SHISA5: variants seen among roughly 807,000 people sequenced by gnomAD.
SHISA5 encodes the protein protein shisa-5.
In SHISA5, 21 loss-of-function variants were observed where a neutral mutation model predicts 27.5. That is an observed-to-expected ratio of 0.76 (90% CI 0.54 to 1.10). SHISA5 has a LOEUF of 1.10. SHISA5 is among the 50% of genes least tolerant of loss of function. The pLI, the probability that SHISA5 is intolerant of heterozygous loss-of-function variation, is 0.00. For missense variants in SHISA5, 314 were observed against 336.3 expected (o/e 0.93, Z 0.52); for synonymous variants, 137 against 142.2 (o/e 0.96, Z 0.26).
chr3:48,496,818 C>A (rs1320894295), intron 2 of SHISA5, among the ~76,000 whole-genome samples: 15 of 149,768 alleles, frequency 1.0e-4, no homozygotes, highest in Non-Finnish European at 1.5e-5. Context: ...ATATATAAGA[C>A]TTTGAAATAG....
intron 3 of SHISA5, among the ~76,000 whole-genome samples, chr3:48,475,859 C>CCATTAAA (rs1414625205): frequency 6.6e-6 from 1 of 152,200 alleles, no homozygotes; most frequent in African/African-American, 2.4e-5. Context: ...GAGCCACTCA[C>CCATTAAA]CATTAAACAG....
At chr3:48,502,571 G>C (rs1387364168) in intron 1 of SHISA5, 1 of 348,648 alleles carries the variant, frequency 2.9e-6, no homozygotes, top group African/African-American at 2.1e-5. Flanking sequence ...AAATAACCCA[G>C]GTTTTTGGAT....
intron 2 of SHISA5, among the ~76,000 whole-genome samples, 169 bp downstream of exon 2, chr3:48,500,968 T>A (rs1364942013): frequency 6.6e-6 from 1 of 152,094 alleles, no homozygotes; most frequent in Non-Finnish European, 1.5e-5. Context: ...TGAGCAGGTC[T>A]AGGGGGTCCA....
At chr3:48,494,427 A>C (rs1004748320) in intron 2 of SHISA5, among the ~76,000 whole-genome samples, 2 of 145,394 alleles carry the variant, frequency 1.4e-5, no homozygotes, top group Non-Finnish European at 3.0e-5. Context: ...CCTCCAGAGT[A>C]GCTGGGATTA....
rs1278340955 is a variant in SHISA5, at chr3:48,504,039, A to G, written c.56T>C (p.Leu19Pro). 13 of 1,466,258 alleles carry G rather than the reference A, an allele frequency of 8.9e-6. No homozygotes were observed. The highest frequency in any genetic ancestry group is 1.2e-5 in the Non-Finnish European group (13 of 1,105,498). 90.8% of individuals were successfully genotyped at this position (1,466,258 alleles called of 1,614,324 possible). ...CTCACCACCCGGAGGCGGCGTTAGC[A>G]GCAGCAGCAACAGCAACGGCAACAG... ...RILLPLLLLL[L>P]LTPPPGARGE... The change falls in exon 1 of 6, where the codon CTG (leucine) becomes CCG (proline). Residue 19 changes from leucine (L) to proline (P), a missense_variant. Leu to Pro is a moderately conservative substitution (Grantham distance 98, BLOSUM62 -3). Coordinates refer to ENST00000296444, the MANE Select transcript of SHISA5 (RefSeq NM_016479.6). The surrounding 1 kb of genome is among the most constrained non-coding windows in gnomAD (Gnocchi z 4.0).
chr3:48,467,953 T>C lies in SHISA5; in HGVS notation c.*1154A>G. 1 of 295,868 alleles carries C rather than the reference T, an allele frequency of 3.4e-6. No individual in the cohort carries two copies. The highest frequency in any genetic ancestry group is 6.1e-6 in the Non-Finnish European group (1 of 163,418). The allele number at this position is 295,868 out of a possible 1,614,324, so 18.3% of individuals were successfully genotyped here. A position where few individuals can be genotyped will look rare whatever the true frequency, so the allele number is the denominator to read the frequency against. On this transcript the variant is annotated 3_prime_UTR_variant, in exon 6 of 6. Transcript: ENST00000296444. ...CACAACAGATTTGAGCTAAGACAGC[T>C]CTGGTGAAACAGTAATAGAGGGAGG...
intron 2 of SHISA5, among the ~76,000 whole-genome samples, chr3:48,486,887 G>C (rs904787647): frequency 6.8e-6 from 1 of 147,480 alleles, no homozygotes; most frequent in African/African-American, 2.5e-5. Context: ...GCCACTGCAC[G>C]CCAGCCTGGG....
intron 2 of SHISA5, among the ~76,000 whole-genome samples, chr3:48,487,130 G>GCA (rs34974602): frequency 0.1 from 15,136 of 148,242 alleles, 1,199 homozygotes; most frequent in African/African-American, 0.22. Context: ...ACACGCACAC[G>GCA]CACACACACA....
chr3:48,495,329 CT>C (rs1251963124), intron 2 of SHISA5, among the ~76,000 whole-genome samples: 116,895 of 119,690 alleles, frequency 0.98, 57,151 homozygotes, highest in East Asian at 0.99. Flanking sequence ...TTTTACGACG[CT>C]TTTTTTTTTT....
chr3:48,469,916 T>A lies in SHISA5; in HGVS notation c.315-73A>T, dbSNP rs954243074. Reference sequence around the variant, plus strand: ...CCAGCATCCACACCTTCCCAAGGCATGCCCCTCTTGCCAGAAGGGGTCTGG... The same window carrying A: ...CCAGCATCCACACCTTCCCAAGGCAAGCCCCTCTTGCCAGAAGGGGTCTGG... On this transcript the variant is annotated intron_variant, in intron 3 of 5. Transcript: ENST00000296444. The surrounding 1 kb of genome is among the most constrained non-coding windows in gnomAD (Gnocchi z 4.6). 6.5e-6 allele frequency: 10 copies of A among 1,545,754 alleles called. No individual in the cohort carries two copies. Among genetic ancestry groups the A allele is most frequent in the Non-Finnish European group, 8.8e-6 (10 of 1,141,650 alleles).
At chr3:48,496,999 G>T (rs1187438618) in intron 2 of SHISA5, among the ~76,000 whole-genome samples, 1 of 151,986 alleles carries the variant, frequency 6.6e-6, no homozygotes, top group African/African-American at 2.4e-5. Context: ...GGAGGCTGAG[G>T]CGGGTGGATC....
intron 1 of SHISA5, among the ~76,000 whole-genome samples, chr3:48,502,901 A>G (rs2041798218): frequency 6.6e-6 from 1 of 152,228 alleles, no homozygotes; most frequent in South Asian, 2.1e-4. Context: ...TCAGGACACC[A>G]CACACCCCGA....
chr3:48,474,853 T>G (rs2040765930), intron 3 of SHISA5, among the ~76,000 whole-genome samples: 1 of 151,936 alleles, frequency 6.6e-6, no homozygotes, highest in Admixed American at 6.6e-5. Flanking sequence ...CACACCTAAC[T>G]CATTCCTGCT....
chr3:48,480,646 T>C (rs1300784932), intron 2 of SHISA5, among the ~76,000 whole-genome samples: 2 of 151,328 alleles, frequency 1.3e-5, no homozygotes, highest in South Asian at 2.1e-4. Context: ...GTAATCCCAG[T>C]TACTCGGGAG....
intron 2 of SHISA5, among the ~76,000 whole-genome samples, chr3:48,487,644 C>T (rs2041290869): frequency 6.6e-6 from 1 of 152,134 alleles, no homozygotes; most frequent in African/African-American, 2.4e-5. Context: ...TCTGTAATCC[C>T]AGCACTTTGG....
intron 2 of SHISA5, among the ~76,000 whole-genome samples, chr3:48,492,386 C>T (rs1164658135): frequency 5.4e-5 from 8 of 148,736 alleles, no homozygotes; most frequent in Non-Finnish European, 1.5e-5. Context: ...AGGAGAATGG[C>T]GTGAACCCGG....
At chr3:48,488,833 CAAAAA>C (rs367782789) in intron 2 of SHISA5, among the ~76,000 whole-genome samples, 1 of 48,632 alleles carries the variant, frequency 2.1e-5, no homozygotes. Context: ...AACTCCGTCT[CAAAAA>C]AAAAAAAAAA....
chr3:48,473,349 G>T lies in SHISA5; in HGVS notation c.315-3506C>A. On this transcript the variant is annotated intron_variant, in intron 3 of 5. Coordinates refer to ENST00000296444, the MANE Select transcript of SHISA5 (RefSeq NM_016479.6). This position sits in a 1 kb window ranked among gnomAD's most constrained non-coding sequence, Gnocchi z 4.3. The stretch of plus-strand genomic sequence containing the variant: ...CTCAGAATGCAGCCTGGCCACTAGG[G>T]GGTCTAAGAGCCACCCCAGCCTCAG... The T allele has an allele frequency of 7.3e-7, 1 of 1,367,724 alleles. No individual in the cohort carries two copies. Among genetic ancestry groups the T allele is most frequent in the East Asian group, 3.9e-5 (1 of 25,612 alleles). 84.7% of individuals were successfully genotyped at this position (1,367,724 alleles called of 1,614,324 possible).
chr3:48,469,413 TG>T lies in SHISA5; in HGVS notation c.590del (p.Pro197HisfsTer62), dbSNP rs779211687. ...PAAPYPMQYP[P>X]PYPAQPMGPP... ...GGCCCATGGGCTGGGCTGGGTAAGG[TG>T]GTGGGTACTGCATTGGGTAGGGTGC... On this transcript the variant is annotated frameshift_variant, in exon 5 of 6. Coordinates refer to ENST00000296444, the MANE Select transcript of SHISA5 (RefSeq NM_016479.6). LOFTEE classifies it high-confidence loss of function. The surrounding 1 kb of genome is among the most constrained non-coding windows in gnomAD (Gnocchi z 4.6). The T allele has an allele frequency of 6.2e-7, 1 of 1,608,804 alleles. No individual in the cohort carries two copies. The highest frequency in any genetic ancestry group is 1.1e-5 in the South Asian group (1 of 90,522).
Sources: gnomAD v4.1 joint callset for allele counts (sites outside exome capture counted in the v4.1 genomes callset) on GRCh38, gnomAD v4.1.1 for gene constraint, Gnocchi (gnomAD v3.1) non-coding constraint, MANE v1.5 for transcripts, NCBI Gene and HGNC (gene_info 2026-07-23, HGNC 2026-07-21) for gene names.